Variants in GALNT13 observed in about 807,000 individuals in gnomAD.
GALNT13 encodes UDP-GalNAc:polypeptide N-acetylgalactosaminyltransferase 13.
GALNT13 carries 28 observed loss-of-function variants against 64.2 expected under a neutral mutation model. The ratio of observed to expected loss-of-function variants is 0.44; its 90% CI spans 0.32 to 0.60. The LOEUF (loss-of-function observed/expected upper bound fraction) is 0.60, where lower values mean the gene tolerates loss of function less well. Ranked by LOEUF, GALNT13 falls within the 20% of genes least tolerant of loss-of-function variation. The pLI, the probability that GALNT13 is intolerant of heterozygous loss-of-function variation, is 0.05. For synonymous variants in GALNT13, 214 were observed against 224.6 expected (o/e 0.95, Z 0.42); for missense variants, 577 against 669.8 (o/e 0.86, Z 1.53).
chr2:153,776,392 G>A, the GALNT13 span, among the ~76,000 whole-genome samples: 2 of 152,176 alleles, frequency 1.3e-5, no homozygotes, highest in Non-Finnish European at 2.9e-5. Context: ...AATTTCCCTT[G>A]AAATGTGTTC....
At chr2:153,461,922 TTA>T in the GALNT13 span, among the ~76,000 whole-genome samples, 1 of 152,126 alleles carries the variant, frequency 6.6e-6, no homozygotes, top group Non-Finnish European at 1.5e-5. Flanking sequence ...TGCTCTGATA[TTA>T]TGAGAGCTCT....
Position 154,358,750 on chromosome 2 carries a change from T to C in GALNT13, c.1157-37241T>C, listed in dbSNP as rs75572922. Among the ~76,000 whole-genome samples, 55 of 152,246 alleles carry C rather than the reference T, an allele frequency of 3.6e-4. No individual in the cohort carries two copies. In the East Asian group the frequency reaches 7.9e-3, roughly 22 times the overall value. On this transcript the variant is annotated intron_variant, in intron 9 of 12. Transcript: ENST00000392825. ...GCACATTTTCTTTGCATCATTCCAA[T>C]GTTTACGCTGCTAACTTAACTACTT...
chr2:153,511,707 C>T, the GALNT13 span, among the ~76,000 whole-genome samples: 1 of 152,044 alleles, frequency 6.6e-6, no homozygotes, highest in Non-Finnish European at 1.5e-5. Context: ...ACTGATTTTG[C>T]CAGGGTTGTA....
At chr2:153,689,185 T>C in the GALNT13 span, among the ~76,000 whole-genome samples, 1 of 151,964 alleles carries the variant, frequency 6.6e-6, no homozygotes, top group Non-Finnish European at 1.5e-5. Flanking sequence ...ATGTTACTGG[T>C]ATGAAATATC....
chr2:153,813,752 A>G, the GALNT13 span, among the ~76,000 whole-genome samples: 1 of 152,240 alleles, frequency 6.6e-6, no homozygotes, highest in Non-Finnish European at 1.5e-5. Context: ...AGCATTTCAG[A>G]AATCTATTGA....
the GALNT13 span, among the ~76,000 whole-genome samples, chr2:153,754,926 G>A: frequency 6.6e-6 from 1 of 152,132 alleles, no homozygotes; most frequent in African/African-American, 2.4e-5. Flanking sequence ...CCCTCCATGG[G>A]TGGATGCCAG....
intron 4 of GALNT13, among the ~76,000 whole-genome samples, chr2:154,234,803 A>G (rs1689105151): frequency 6.6e-6 from 1 of 152,130 alleles, no homozygotes; most frequent in African/African-American, 2.4e-5. Flanking sequence ...TTTTTGTGAC[A>G]TGCAGAATGC....
chr2:153,914,368 C>A (rs189898044), intron 2 of GALNT13, among the ~76,000 whole-genome samples: 1 of 151,356 alleles, frequency 6.6e-6, no homozygotes, highest in Non-Finnish European at 1.5e-5. Context: ...GCCTGTAGTC[C>A]CAGCTACCTG....
At chr2:153,413,754 T>C in the GALNT13 span, among the ~76,000 whole-genome samples, 1 of 152,194 alleles carries the variant, frequency 6.6e-6, no homozygotes. Flanking sequence ...TAGAAAAAGG[T>C]CATTTTTCTG....
At chr2:153,470,954 A>G in the GALNT13 span, among the ~76,000 whole-genome samples, 1 of 152,176 alleles carries the variant, frequency 6.6e-6, no homozygotes, top group Non-Finnish European at 1.5e-5. Context: ...GCCTCGAGAT[A>G]TTCATTTGGA....
At chr2:153,269,359 G>T in the GALNT13 span, among the ~76,000 whole-genome samples, 1 of 152,104 alleles carries the variant, frequency 6.6e-6, no homozygotes, top group African/African-American at 2.4e-5. Context: ...GAGGTGAAAT[G>T]CCACCAGTCT....
At chr2:154,202,608 A>T (rs1409651311) in intron 4 of GALNT13, among the ~76,000 whole-genome samples, 1 of 152,118 alleles carries the variant, frequency 6.6e-6, no homozygotes, top group East Asian at 1.9e-4. Flanking sequence ...GATGGCTAAC[A>T]CCAAGATCCA....
chr2:154,237,122 C>G (rs887212727), intron 4 of GALNT13, among the ~76,000 whole-genome samples: 1 of 151,800 alleles, frequency 6.6e-6, no homozygotes, highest in African/African-American at 2.4e-5. Context: ...AACTATGCAG[C>G]TTGAGACTTG....
At chr2:154,183,196 T>C (rs962172246) in intron 4 of GALNT13, among the ~76,000 whole-genome samples, 1 of 152,160 alleles carries the variant, frequency 6.6e-6, no homozygotes, top group Non-Finnish European at 1.5e-5. Context: ...CAAATCAATG[T>C]TTTTAGTTGT....
chr2:153,260,892 T>C, the GALNT13 span, among the ~76,000 whole-genome samples: 1 of 151,918 alleles, frequency 6.6e-6, no homozygotes, highest in Non-Finnish European at 1.5e-5. Context: ...TTTTTATTCT[T>C]TTTTCTTTTT....
At chr2:154,369,173 G>C (rs1697541618) in intron 9 of GALNT13, among the ~76,000 whole-genome samples, 1 of 152,004 alleles carries the variant, frequency 6.6e-6, no homozygotes, top group Non-Finnish European at 1.5e-5. Flanking sequence ...TAAAAAGCCT[G>C]AGATAGAATT....
chr2:153,741,755 A>T, the GALNT13 span, among the ~76,000 whole-genome samples: 1 of 152,006 alleles, frequency 6.6e-6, no homozygotes, highest in African/African-American at 2.4e-5. Flanking sequence ...TGACTTTTAT[A>T]TTTTTCTATA....
the GALNT13 span, among the ~76,000 whole-genome samples, chr2:153,134,087 C>T: frequency 6.6e-6 from 1 of 152,234 alleles, no homozygotes; most frequent in Non-Finnish European, 1.5e-5. Flanking sequence ...CTGTAATGGG[C>T]AGAGCACCCC....
chr2:153,969,473 AAG>A (rs1169424643), intron 3 of GALNT13, among the ~76,000 whole-genome samples: 1 of 152,068 alleles, frequency 6.6e-6, no homozygotes, highest in Admixed American at 6.5e-5. Context: ...AAGAATATAA[AAG>A]AACTTATAAG....
Sources: gnomAD v4.1 joint callset for allele counts (sites outside exome capture counted in the v4.1 genomes callset) on GRCh38, gnomAD v4.1.1 for gene constraint, MANE v1.5 for transcripts, NCBI Gene and HGNC (gene_info 2026-07-23, HGNC 2026-07-21) for gene names.